ROBO2: variants seen among roughly 807,000 people sequenced by gnomAD.
ROBO2 encodes roundabout guidance receptor 2, also known as roundabout homolog 2.
In ROBO2, 53 loss-of-function variants were observed where a neutral mutation model predicts 160.8. The observed-to-expected ratio is 0.33, with a 90% CI of 0.26 to 0.41. The LOEUF is 0.41. ROBO2 is among the 10% of genes least tolerant of loss of function. The probability of loss-of-function intolerance (pLI) is 1.00; values close to 1 mark genes in which losing one functional copy is unlikely to be tolerated. For synonymous variants in ROBO2, 664 were observed against 611.7 expected (o/e 1.09, Z -1.26); for missense variants, 1,577 against 1,722.4 (o/e 0.92, Z 1.49).
chr3:76,466,752 C>T (rs2078383206), intron 2 of ROBO2, among the ~76,000 whole-genome samples: 1 of 151,894 alleles, frequency 6.6e-6, no homozygotes, highest in South Asian at 2.1e-4. Context: ...GAATTTTGTA[C>T]ATTCAGAACA....
chr3:77,537,532 T>C (rs2092202205), intron 6 of ROBO2, among the ~76,000 whole-genome samples: 1 of 152,188 alleles, frequency 6.6e-6, no homozygotes, highest in Non-Finnish European at 1.5e-5. Context: ...TCTTTGATTA[T>C]TTTTTCATAT....
intron 2 of ROBO2, among the ~76,000 whole-genome samples, chr3:76,923,162 G>A (rs2076772613): frequency 6.6e-6 from 1 of 152,288 alleles, no homozygotes; most frequent in East Asian, 1.9e-4. Flanking sequence ...GGTATAAAGA[G>A]GTTGCTATGA....
At chr3:76,098,783 T>C (rs1032299926) in intron 2 of ROBO2, among the ~76,000 whole-genome samples, 1 of 152,176 alleles carries the variant, frequency 6.6e-6, no homozygotes, top group Non-Finnish European at 1.5e-5. Context: ...GAGTTCATTA[T>C]TTTTTGTGCA....
intron 2 of ROBO2, among the ~76,000 whole-genome samples, chr3:76,580,009 G>C (rs2085556252): frequency 6.6e-6 from 1 of 152,050 alleles, no homozygotes; most frequent in Non-Finnish European, 1.5e-5. Flanking sequence ...CTCTTTGCTA[G>C]AGGCCACCTA....
intron 2 of ROBO2, among the ~76,000 whole-genome samples, chr3:76,194,742 C>T (rs1702181192): frequency 6.6e-6 from 1 of 151,988 alleles, no homozygotes; most frequent in African/African-American, 2.4e-5. Flanking sequence ...GCCTCAGCCT[C>T]CTGAGTAGCT....
chr3:76,502,796 T>C (rs934336734), intron 2 of ROBO2, among the ~76,000 whole-genome samples: 3 of 152,178 alleles, frequency 2.0e-5, no homozygotes, highest in African/African-American at 7.2e-5. Flanking sequence ...TTATTTGATA[T>C]GTCTATAGGT....
intron 2 of ROBO2, among the ~76,000 whole-genome samples, chr3:76,388,722 G>A (rs1576860078): frequency 6.6e-6 from 1 of 151,798 alleles, no homozygotes; most frequent in East Asian, 1.9e-4. Context: ...AATGTTAATT[G>A]ATAACTCTAT....
chr3:77,036,767 T>G (rs1011921457), upstream of ROBO2, among the ~76,000 whole-genome samples: 2 of 152,216 alleles, frequency 1.3e-5, no homozygotes, highest in East Asian at 3.9e-4. Context: ...AGATCCCCAT[T>G]TGATTTTTCT....
intron 2 of ROBO2, among the ~76,000 whole-genome samples, chr3:77,295,421 A>C (rs1370310331): frequency 1.3e-5 from 2 of 150,460 alleles, no homozygotes; most frequent in African/African-American, 5.0e-5. Flanking sequence ...TTGATGGTTA[A>C]ATGGGAAGTT....
intron 2 of ROBO2, among the ~76,000 whole-genome samples, chr3:76,860,021 C>T (rs897114964): frequency 6.6e-6 from 1 of 152,148 alleles, no homozygotes; most frequent in Non-Finnish European, 1.5e-5. Context: ...AAAATCATTA[C>T]CTACCTTTGT....
chr3:77,173,775 A>G (rs75847323), intron 2 of ROBO2, among the ~76,000 whole-genome samples: 1,686 of 152,190 alleles, frequency 0.011, 16 homozygotes, highest in Middle Eastern at 0.017. Context: ...TGAAAATGTT[A>G]TACCTAAAGG....
chr3:76,041,594 A>T (rs1333316061), intron 2 of ROBO2, among the ~76,000 whole-genome samples: 5 of 152,076 alleles, frequency 3.3e-5, no homozygotes, highest in Non-Finnish European at 7.3e-5. Context: ...TGTCTTTTCC[A>T]TCTAACTTTA....
rs148843428 is a variant in ROBO2, at chr3:77,173,478, A to C, written c.388+75138A>C. ...TAATTGTGTTTGCCCCTTCATGTGT[A>C]TGATGCAAAGACTTTCAGATTGAGA... On this transcript the variant is annotated intron_variant, in intron 2 of 25. Coordinates refer to ENST00000461745, the Ensembl canonical transcript of ROBO2. 2.1e-3 allele frequency among the ~76,000 whole-genome samples: 323 copies of C among 152,114 alleles called. 1 individual carries two copies. The highest frequency in any genetic ancestry group is 7.1e-3 in the African/African-American group (293 of 41,530).
At chr3:76,996,155 C>T (rs1226590170) in intron 2 of ROBO2, among the ~76,000 whole-genome samples, 3 of 152,160 alleles carry the variant, frequency 2.0e-5, no homozygotes, top group Non-Finnish European at 4.4e-5. Context: ...GATCCAGTTT[C>T]AGCTTTCTAC....
At chr3:76,483,506 A>G (rs2079322292) in intron 2 of ROBO2, among the ~76,000 whole-genome samples, 1 of 152,164 alleles carries the variant, frequency 6.6e-6, no homozygotes, top group Non-Finnish European at 1.5e-5. Context: ...ATATGTAACC[A>G]ATATATAAAT....
intron 2 of ROBO2, among the ~76,000 whole-genome samples, chr3:76,458,439 A>G (rs2077899070): frequency 6.6e-6 from 1 of 152,142 alleles, no homozygotes; most frequent in Non-Finnish European, 1.5e-5. Flanking sequence ...TATCCCTATC[A>G]GCATTTTGGG....
At chr3:76,576,118 G>C (rs1049805679) in intron 2 of ROBO2, among the ~76,000 whole-genome samples, 4 of 151,962 alleles carry the variant, frequency 2.6e-5, no homozygotes, top group Admixed American at 1.3e-4. Flanking sequence ...TTCCATGTTT[G>C]GCATATGTTT....
chr3:76,010,365 T>C (rs1038878271), intron 2 of ROBO2, among the ~76,000 whole-genome samples: 1 of 152,236 alleles, frequency 6.6e-6, no homozygotes, highest in Non-Finnish European at 1.5e-5. Context: ...AGGCTCAACA[T>C]GAACAATCCT....
intron 2 of ROBO2, among the ~76,000 whole-genome samples, chr3:76,747,324 C>G (rs1389996860): frequency 6.6e-6 from 1 of 151,968 alleles, no homozygotes; most frequent in Non-Finnish European, 1.5e-5. Context: ...TCTTGTAAGT[C>G]TAATTTTTCT....
Sources: allele counts gnomAD v4.1 joint callset (sites outside exome capture counted in the v4.1 genomes callset), GRCh38; gene constraint gnomAD v4.1.1; transcripts MANE v1.5; gene names NCBI Gene and HGNC (gene_info 2026-07-23, HGNC 2026-07-21).